Variants in FGD3 observed in about 807,000 individuals in gnomAD.
The protein encoded by FGD3 is FYVE, RhoGEF and PH domain containing 3.
Under a neutral mutation model 71.8 loss-of-function variants are expected in FGD3, and 45 were observed. The ratio of observed to expected loss-of-function variants is 0.63; its 90% confidence interval spans 0.49 to 0.80. The LOEUF is 0.80. Among genes scored for constraint, FGD3 ranks in the 30% least tolerant of loss-of-function variants. The pLI is 0.00. For synonymous variants in FGD3, 378 were observed against 392.8 expected (o/e 0.96, Z 0.44); for missense variants, 844 against 951.5 (o/e 0.89, Z 1.49).
At chr9:92,999,822 G>A (rs1860794432) in intron 3 of FGD3, among the ~76,000 whole-genome samples, 1 of 152,010 alleles carries the variant, frequency 6.6e-6, no homozygotes, top group South Asian at 2.1e-4. Flanking sequence ...TCAAACTCCT[G>A]ACTTCATGAT....
intron 8 of FGD3, 33 bp downstream of exon 8, chr9:93,011,305 G>C (rs1861358972): frequency 6.2e-7 from 1 of 1,613,694 alleles, no homozygotes; most frequent in African/African-American, 1.3e-5. Context: ...GACCGGCAGG[G>C]TGGTGCAGCA....
chr9:93,029,000 T>G lies in FGD3; in HGVS notation c.1558-874T>G, dbSNP rs920432195. Among the ~76,000 whole-genome samples the G allele has an allele frequency of 6.7e-4, 16 of 23,936 alleles. 1 individual carries two copies. The highest frequency in any genetic ancestry group is 3.6e-3 in the African/African-American group (8 of 2,250). 15.7% of individuals were successfully genotyped at this position (23,936 alleles called of 152,430 possible). A position where few individuals can be genotyped will look rare whatever the true frequency, so the allele number is the denominator to read the frequency against. ...CTTCCTCACATGTCCTCACAGTTTTTTTTTTTTTTTTTTTTTTTTTTTTTT... is the reference window on the plus strand; with the variant it reads ...CTTCCTCACATGTCCTCACAGTTTTGTTTTTTTTTTTTTTTTTTTTTTTTT... On this transcript the variant is annotated intron_variant, in intron 14 of 17. Transcript: ENST00000375482.
At chr9:93,028,353 AAG>A (rs777565660) in intron 14 of FGD3, among the ~76,000 whole-genome samples, 4 of 106,126 alleles carry the variant, frequency 3.8e-5, no homozygotes, top group Non-Finnish European at 6.4e-5. Flanking sequence ...AAAAAAAAAA[AAG>A]AAAGAAAAAC....
Position 92,969,720 on chromosome 9 carries a change from G to C in FGD3, c.-217-5518G>C, listed in dbSNP as rs962162010. 3.3e-5 allele frequency among the ~76,000 whole-genome samples: 5 copies of C among 152,176 alleles called. No individual in the cohort carries two copies. Among genetic ancestry groups the C allele is most frequent in the African/African-American group, 9.7e-5 (4 of 41,430 alleles). The stretch of plus-strand genomic sequence containing the variant: ...GAAGGGACATCTGGTGGCAGATAGA[G>C]CTGGGTGGTAGGCAGACTGGTGGCC... On this transcript the variant is annotated intron_variant, in intron 1 of 17. Transcript: ENST00000375482. This position sits in a 1 kb window ranked among gnomAD's most constrained non-coding sequence, Gnocchi z 4.5.
intron 3 of FGD3, among the ~76,000 whole-genome samples, chr9:92,986,078 C>A (rs994872838): frequency 6.6e-6 from 1 of 152,110 alleles, no homozygotes; most frequent in African/African-American, 2.4e-5. Flanking sequence ...GAACAGTGGG[C>A]CCCCTGCTCA....
intron 3 of FGD3, 142 bp from the exon 4 acceptor site, chr9:93,002,783 C>T (rs2118695720): frequency 1.4e-6 from 1 of 726,326 alleles, no homozygotes; most frequent in Admixed American, 2.2e-5. Context: ...ATCACAGTGG[C>T]CCCTCCTGCC....
In FGD3 at chr9:92,976,673, C is replaced by T. The variant is rs530374478; in HGVS notation, c.417C>T (p.Thr139=). 41 of 1,605,434 alleles carry T rather than the reference C, an allele frequency of 2.6e-5. No individual in the cohort carries two copies. The highest frequency in any genetic ancestry group is 3.5e-5 in the Non-Finnish European group (41 of 1,175,854). ...DVGEEPDSEN[T]PQKADKDAGL... is the part of the protein sequence containing the mutation. The stretch of plus-strand genomic sequence containing the variant: ...GTGAGGAACCTGACTCTGAGAACAC[C>T]CCCCAGAAGGCTGACAAGGATGCCG... The change falls in exon 3 of 18, where the codon ACC becomes ACT. Residue 139 remains threonine (T), a synonymous_variant. Coordinates refer to ENST00000375482, the MANE Select transcript of FGD3 (RefSeq NM_001083536.2).
At chr9:93,018,290 A>G in intron 11 of FGD3, 75 bp downstream of exon 11, 1 of 1,360,646 alleles carries the variant, frequency 7.3e-7, no homozygotes, top group Non-Finnish European at 1.0e-6. Context: ...ACCTTGTAAT[A>G]TATTTTTATT....
chr9:92,989,717 C>T (rs1432601539), intron 3 of FGD3, among the ~76,000 whole-genome samples: 2 of 152,190 alleles, frequency 1.3e-5, no homozygotes, highest in Non-Finnish European at 2.9e-5. Context: ...ATCTGGTTCT[C>T]AGTAAATCGG....
At chr9:92,994,881 G>A (rs1860568813) in intron 3 of FGD3, among the ~76,000 whole-genome samples, 2 of 152,172 alleles carry the variant, frequency 1.3e-5, no homozygotes, top group Admixed American at 1.3e-4. Context: ...CTGTAGCCTT[G>A]TAATATAGTT....
At chr9:92,987,866 G>A (rs532713884) in intron 3 of FGD3, among the ~76,000 whole-genome samples, 6 of 152,292 alleles carry the variant, frequency 3.9e-5, no homozygotes, top group East Asian at 3.9e-4. Context: ...CCCTTAGCGC[G>A]CATGCATGAG....
intron 1 of FGD3, among the ~76,000 whole-genome samples, chr9:92,973,681 GC>G (rs1859618868): frequency 6.6e-6 from 1 of 152,190 alleles, no homozygotes; most frequent in Non-Finnish European, 1.5e-5. Flanking sequence ...GGCTTTTAGG[GC>G]TGGCTGGTGG....
chr9:93,010,535 C>A (rs1861281535), intron 7 of FGD3, 151 bp downstream of exon 7: 2 of 805,062 alleles, frequency 2.5e-6, no homozygotes, highest in Non-Finnish European at 3.6e-6. Flanking sequence ...GAGACAGAGG[C>A]AGGGGAGGGA....
chr9:92,992,396 C>A (rs1327243595), intron 3 of FGD3, among the ~76,000 whole-genome samples: 1 of 152,204 alleles, frequency 6.6e-6, no homozygotes, highest in Non-Finnish European at 1.5e-5. Context: ...CTGTCTTGAG[C>A]ATTTCTTATA....
intron 1 of FGD3, among the ~76,000 whole-genome samples, chr9:92,952,177 C>G (rs2118494689): frequency 6.6e-6 from 1 of 151,708 alleles, no homozygotes; most frequent in Non-Finnish European, 1.5e-5. Context: ...CAGAGCACAT[C>G]TCTGTTTATT....
intron 14 of FGD3, among the ~76,000 whole-genome samples, chr9:93,027,465 C>T (rs986632374): frequency 6.6e-6 from 1 of 152,160 alleles, no homozygotes; most frequent in Non-Finnish European, 1.5e-5. Context: ...GTCCTCATCT[C>T]TTCTTATAAA....
intron 9 of FGD3, 113 bp downstream of exon 9, chr9:93,014,111 T>C (rs1299859739): frequency 1.5e-6 from 2 of 1,345,184 alleles, no homozygotes; most frequent in African/African-American, 1.5e-5. Context: ...TTCTGTGGCC[T>C]CTCCTACTGG....
At chr9:92,951,413 A>G (rs1858951693) in intron 1 of FGD3, among the ~76,000 whole-genome samples, 1 of 152,234 alleles carries the variant, frequency 6.6e-6, no homozygotes, top group African/African-American at 2.4e-5. Context: ...AGGATGGCTC[A>G]TGCCTATAAT....
At chr9:92,982,063 T>C (rs565010718) in intron 3 of FGD3, among the ~76,000 whole-genome samples, 1 of 152,348 alleles carries the variant, frequency 6.6e-6, no homozygotes, top group East Asian at 1.9e-4. Context: ...TACAGTGTCA[T>C]AGAACACTGG....
Sources: gnomAD v4.1 joint callset for allele counts (sites outside exome capture counted in the v4.1 genomes callset) on GRCh38, gnomAD v4.1.1 for gene constraint, Gnocchi (gnomAD v3.1) non-coding constraint, MANE v1.5 for transcripts, NCBI Gene and HGNC (gene_info 2026-07-23, HGNC 2026-07-21) for gene names.